SORCS2: variants seen among roughly 807,000 people sequenced by gnomAD.
SORCS2 encodes the protein sortilin related VPS10 domain containing receptor 2, also known as VPS10 domain-containing receptor SorCS2.
Under a neutral mutation model 141.6 loss-of-function variants are expected in SORCS2, and 100 were observed. That is an observed-to-expected ratio of 0.71 (90% CI 0.60 to 0.83). SORCS2 has a LOEUF of 0.83. SORCS2 is among the 40% of genes least tolerant of loss of function. The pLI, the probability that SORCS2 is intolerant of heterozygous loss-of-function variation, is 0.00. For synonymous variants in SORCS2, 789 were observed against 676.9 expected (o/e 1.17, Z -2.57); for missense variants, 1,646 against 1,560.2 (o/e 1.05, Z -0.93).
At chr4:7,706,403 CTG>C (rs1459020416) in intron 14 of SORCS2, among the ~76,000 whole-genome samples, 4 of 141,804 alleles carry the variant, frequency 2.8e-5, no homozygotes, top group Admixed American at 6.9e-5. Flanking sequence ...AGGCTGGGCT[CTG>C]CCTGGACAGA....
intron 3 of SORCS2, among the ~76,000 whole-genome samples, chr4:7,609,800 C>CAG (rs1479036575): frequency 2.6e-5 from 4 of 152,242 alleles, no homozygotes; most frequent in African/African-American, 9.6e-5. Flanking sequence ...GCTGCGCACT[C>CAG]TCATGGTGAC....
intron 1 of SORCS2, among the ~76,000 whole-genome samples, chr4:7,329,236 G>T (rs1184639702): frequency 6.6e-6 from 1 of 152,230 alleles, no homozygotes; most frequent in African/African-American, 2.4e-5. Context: ...CGGGCCCGGG[G>T]CCTGGGAGGG....
At chr4:7,209,488 C>T (rs1727933567) in intron 1 of SORCS2, among the ~76,000 whole-genome samples, 2 of 152,138 alleles carry the variant, frequency 1.3e-5, no homozygotes, top group South Asian at 2.1e-4. Context: ...CTTCCGGAAA[C>T]GGTCCCTGCC....
chr4:7,235,715 T>A (rs2108782412), intron 1 of SORCS2, among the ~76,000 whole-genome samples: 1 of 152,290 alleles, frequency 6.6e-6, no homozygotes, highest in East Asian at 1.9e-4. Flanking sequence ...AGGGGACTGA[T>A]TGTGCTGCCT....
At chr4:7,260,625 C>A (rs1386274807) in intron 1 of SORCS2, among the ~76,000 whole-genome samples, 1 of 152,060 alleles carries the variant, frequency 6.6e-6, no homozygotes, top group Non-Finnish European at 1.5e-5. Context: ...GGAACGTAAA[C>A]CAGGTAGGAA....
intron 3 of SORCS2, among the ~76,000 whole-genome samples, chr4:7,608,872 A>G (rs575438430): frequency 6.6e-6 from 1 of 152,258 alleles, no homozygotes; most frequent in South Asian, 2.1e-4. Flanking sequence ...TCCTGCCCTC[A>G]GGGAGCTCCC....
At chr4:7,561,017 C>A (rs1230086811) in intron 3 of SORCS2, among the ~76,000 whole-genome samples, 2 of 152,044 alleles carry the variant, frequency 1.3e-5, no homozygotes, top group African/African-American at 2.4e-5. Flanking sequence ...ATGGGGGTGG[C>A]AGTTGGGGCA....
chr4:7,724,573 A>ATGGTGATGGTGGTGGTGG (rs1560114111), intron 19 of SORCS2, among the ~76,000 whole-genome samples: 1 of 40,384 alleles, frequency 2.5e-5, no homozygotes, highest in Non-Finnish European at 5.0e-5. Context: ...GGTGGTGGTG[A>ATGGTGATGGTGGTGGTGG]TGGTGATGGT....
chr4:7,299,702 C>T (rs778650115), intron 1 of SORCS2, among the ~76,000 whole-genome samples: 3 of 152,182 alleles, frequency 2.0e-5, no homozygotes, highest in Non-Finnish European at 2.9e-5. Flanking sequence ...ATGGGGAAGC[C>T]GTGGTCCAGG....
At chr4:7,551,160 A>T (rs1400657565) in intron 3 of SORCS2, among the ~76,000 whole-genome samples, 1 of 152,198 alleles carries the variant, frequency 6.6e-6, no homozygotes, top group Non-Finnish European at 1.5e-5. Context: ...AAAGTGATTG[A>T]AATTCTTAAG....
intron 2 of SORCS2, among the ~76,000 whole-genome samples, chr4:7,435,775 C>T (rs1490637843): frequency 6.6e-6 from 1 of 152,258 alleles, no homozygotes; most frequent in Admixed American, 6.5e-5. Flanking sequence ...GGTGAGCACG[C>T]ACAGGCGCCT....
intron 1 of SORCS2, among the ~76,000 whole-genome samples, chr4:7,209,694 A>G (rs1311976022): frequency 9.2e-6 from 1 of 108,854 alleles, no homozygotes; most frequent in Non-Finnish European, 2.0e-5. Context: ...TTTTTTTTTA[A>G]TCTTTTCACT....
chr4:7,210,220 G>T (rs1363525026), intron 1 of SORCS2, among the ~76,000 whole-genome samples: 2 of 152,166 alleles, frequency 1.3e-5, no homozygotes, highest in African/African-American at 4.8e-5. Context: ...GGTCATCTTT[G>T]GCGCCCACCC....
In SORCS2 at chr4:7,359,143, A is replaced by G. The variant is rs367543579; in HGVS notation, c.481-37145A>G. On this transcript the variant is annotated intron_variant, in intron 1 of 26. Coordinates refer to ENST00000507866, the MANE Select transcript of SORCS2 (RefSeq NM_020777.3). ...AAATCCTGCCTCTACTAAAAATACA[A>G]AAATTAGCCAAGTGTGATGGTGCAT... Among the ~76,000 whole-genome samples the G allele has an allele frequency of 8.5e-4, 129 of 152,326 alleles. 1 individual carries two copies. The highest frequency in any genetic ancestry group is 3.0e-3 in the African/African-American group (125 of 41,574).
rs190452087 is a variant in SORCS2 at position 7,219,990 on chromosome 4, G to A, written c.480+26864G>A. 1.7e-3 allele frequency among the ~76,000 whole-genome samples: 256 copies of A among 152,318 alleles called. 1 individual carries two copies. The highest frequency in any genetic ancestry group is 5.5e-3 in the African/African-American group (229 of 41,574). ...GTGTTGGGTTTGCTGGATTTAAGAGGCCAGGAATTTGTGTCATGGATTTCA... is the reference window on the plus strand; with the variant it reads ...GTGTTGGGTTTGCTGGATTTAAGAGACCAGGAATTTGTGTCATGGATTTCA... On this transcript the variant is annotated intron_variant, in intron 1 of 26. Coordinates refer to ENST00000507866, the MANE Select transcript of SORCS2 (RefSeq NM_020777.3).
chr4:7,373,478 ATTTTTTTTTTTTT>A (rs71173496), intron 1 of SORCS2, among the ~76,000 whole-genome samples: 26 of 36,818 alleles, frequency 7.1e-4, no homozygotes, highest in African/African-American at 3.7e-3. Flanking sequence ...ATATATATAT[ATTTTTTTTTTTTT>A]TTTTTTTTTT....
intron 3 of SORCS2, among the ~76,000 whole-genome samples, chr4:7,563,654 T>C (rs1300448259): frequency 1.3e-5 from 2 of 152,196 alleles, no homozygotes; most frequent in Non-Finnish European, 2.9e-5. Flanking sequence ...CATACCTCCA[T>C]TGATGGGAGC....
At chr4:7,299,927 C>A (rs1300644882) in intron 1 of SORCS2, among the ~76,000 whole-genome samples, 1 of 152,216 alleles carries the variant, frequency 6.6e-6, no homozygotes, top group Admixed American at 6.5e-5. Context: ...GCTCCAACTG[C>A]GGCTGCCTTC....
intron 1 of SORCS2, among the ~76,000 whole-genome samples, chr4:7,354,629 T>G (rs1721139408): frequency 6.6e-6 from 1 of 152,162 alleles, no homozygotes; most frequent in South Asian, 2.1e-4. Flanking sequence ...ATCTGGGAGC[T>G]TCTGCACACC....
Sources: gnomAD v4.1 joint callset for allele counts (sites outside exome capture counted in the v4.1 genomes callset) on GRCh38, gnomAD v4.1.1 for gene constraint, MANE v1.5 for transcripts, NCBI Gene and HGNC (gene_info 2026-07-23, HGNC 2026-07-21) for gene names.